EPHA6: variants seen among roughly 807,000 people sequenced by gnomAD.
EPHA6 encodes the protein ephrin type-A receptor 6.
EPHA6 carries 50 observed loss-of-function variants against 112.0 expected under a neutral mutation model. That is an observed-to-expected ratio of 0.45 (90% CI 0.36 to 0.56). The LOEUF (loss-of-function observed/expected upper bound fraction) is 0.56, where lower values mean the gene tolerates loss of function less well. Among genes scored for constraint, EPHA6 ranks in the 20% least tolerant of loss-of-function variants. EPHA6 has a pLI of 0.00. For synonymous variants in EPHA6, 529 were observed against 490.7 expected (o/e 1.08, Z -1.03); for missense variants, 1,280 against 1,417.4 (o/e 0.90, Z 1.56).
chr3:97,017,120 T>C (rs1005677817), intron 3 of EPHA6, among the ~76,000 whole-genome samples: 16 of 152,254 alleles, frequency 1.1e-4, no homozygotes, highest in Admixed American at 5.2e-4. Context: ...CTACCCAAAA[T>C]AAGCACCTTC....
intron 2 of EPHA6, among the ~76,000 whole-genome samples, chr3:96,964,937 G>A (rs996740610): frequency 2.6e-5 from 4 of 152,220 alleles, no homozygotes; most frequent in Admixed American, 6.6e-5. Flanking sequence ...AACAATTCAC[G>A]AATCGGGCAG....
In EPHA6 at chr3:96,814,603, G is replaced by C; in HGVS notation, c.-21G>C. ...TCCGGCCCAAGTGAATAGTCCTCGC[G>C]CAAGCGGGACACTGTGGTGGATGCA... On this transcript the variant is annotated 5_prime_UTR_variant, in exon 1 of 18. Coordinates refer to ENST00000389672, the MANE Select transcript of EPHA6 (RefSeq NM_001080448.3). 7.4e-7 allele frequency: 1 copy of C among 1,359,988 alleles called. No individual in the cohort carries two copies. Among genetic ancestry groups the C allele is most frequent in the East Asian group, 2.7e-5 (1 of 36,926 alleles). 84.2% of individuals were successfully genotyped at this position (1,359,988 alleles called of 1,614,324 possible). A position where few individuals can be genotyped will look rare whatever the true frequency, so the allele number is the denominator to read the frequency against.
chr3:96,980,195 T>G (rs1200384230), intron 2 of EPHA6, among the ~76,000 whole-genome samples: 2 of 152,232 alleles, frequency 1.3e-5, no homozygotes, highest in Non-Finnish European at 2.9e-5. Context: ...GTCAAACATT[T>G]AAGTCTTTAA....
intron 7 of EPHA6, among the ~76,000 whole-genome samples, chr3:97,465,658 G>A (rs1560037939): frequency 1.3e-5 from 2 of 151,960 alleles, no homozygotes; most frequent in Non-Finnish European, 2.9e-5. Flanking sequence ...AATGAGTTTT[G>A]GCATAAAGCA....
chr3:96,907,461 G>A (rs973350045), intron 2 of EPHA6, among the ~76,000 whole-genome samples: 3 of 149,114 alleles, frequency 2.0e-5, no homozygotes, highest in Admixed American at 6.8e-5. Flanking sequence ...TCTTATTGTC[G>A]TTTACTAGGA....
At chr3:96,967,043 T>C (rs779225596) in intron 2 of EPHA6, among the ~76,000 whole-genome samples, 24 of 151,830 alleles carry the variant, frequency 1.6e-4, no homozygotes, top group South Asian at 2.1e-4. Context: ...ATAAAACTTA[T>C]GAAAAATCTA....
At chr3:97,001,806 G>T (rs902611326) in intron 3 of EPHA6, among the ~76,000 whole-genome samples, 3 of 151,838 alleles carry the variant, frequency 2.0e-5, no homozygotes, top group Non-Finnish European at 4.4e-5. Context: ...AAAATAGATG[G>T]GAACATTGAG....
At chr3:97,514,640 T>G (rs898594580) in intron 10 of EPHA6, among the ~76,000 whole-genome samples, 86 of 152,164 alleles carry the variant, frequency 5.7e-4, no homozygotes, top group Non-Finnish European at 2.1e-4. Context: ...AAGCTCTAAC[T>G]TATAGTATGA....
intron 3 of EPHA6, among the ~76,000 whole-genome samples, chr3:97,224,462 G>A (rs1359523660): frequency 1.3e-5 from 2 of 152,142 alleles, no homozygotes; most frequent in African/African-American, 2.4e-5. Flanking sequence ...AGCTACCAAA[G>A]AAAATAAGTA....
chr3:97,396,577 A>C (rs1217682063), intron 5 of EPHA6, among the ~76,000 whole-genome samples: 1 of 151,546 alleles, frequency 6.6e-6, no homozygotes, highest in African/African-American at 2.4e-5. Flanking sequence ...CATTACACTA[A>C]ATTGGAATTC....
chr3:97,536,141 G>C (rs2092760853), intron 11 of EPHA6, among the ~76,000 whole-genome samples: 1 of 152,056 alleles, frequency 6.6e-6, no homozygotes, highest in African/African-American at 2.4e-5. Flanking sequence ...ATAAGTTAGA[G>C]GACAGACTTG....
At chr3:97,153,666 T>G (rs1281873934) in intron 3 of EPHA6, among the ~76,000 whole-genome samples, 1 of 152,094 alleles carries the variant, frequency 6.6e-6, no homozygotes, top group African/African-American at 2.4e-5. Context: ...GAATAATTGA[T>G]ATCTAATAAA....
At chr3:97,230,641 A>G (rs2078496525) in intron 4 of EPHA6, among the ~76,000 whole-genome samples, 1 of 152,172 alleles carries the variant, frequency 6.6e-6, no homozygotes, top group Non-Finnish European at 1.5e-5. Flanking sequence ...CAGTAACAAA[A>G]GAGATTAGAA....
intron 14 of EPHA6, among the ~76,000 whole-genome samples, chr3:97,661,094 C>A (rs2094166893): frequency 6.6e-6 from 1 of 152,108 alleles, no homozygotes; most frequent in South Asian, 2.1e-4. Flanking sequence ...TAGTTCCCTG[C>A]TCTTTTTGTA....
At chr3:97,641,676 G>A (rs2094006331) in intron 14 of EPHA6, among the ~76,000 whole-genome samples, 1 of 152,234 alleles carries the variant, frequency 6.6e-6, no homozygotes, top group African/African-American at 2.4e-5. Context: ...AGAAAGGGGT[G>A]ACGGACGCAC....
intron 3 of EPHA6, among the ~76,000 whole-genome samples, chr3:97,224,538 G>A (rs1265280609): frequency 1.3e-5 from 2 of 152,190 alleles, no homozygotes; most frequent in Admixed American, 1.3e-4. Context: ...TCTGAACAAT[G>A]TTTTTGGCTG....
intron 5 of EPHA6, among the ~76,000 whole-genome samples, chr3:97,397,746 A>G (rs2086775485): frequency 6.6e-6 from 1 of 151,656 alleles, no homozygotes; most frequent in Middle Eastern, 3.2e-3. Context: ...TTTCAACATT[A>G]GAGGAATGAT....
At chr3:97,653,179 A>G (rs1418335005) in intron 14 of EPHA6, among the ~76,000 whole-genome samples, 1 of 151,994 alleles carries the variant, frequency 6.6e-6, no homozygotes, top group Non-Finnish European at 1.5e-5. Context: ...CAAACTAAAA[A>G]GCTTCTGAAT....
chr3:97,370,874 G>C (rs982954576), intron 5 of EPHA6, among the ~76,000 whole-genome samples: 1 of 152,096 alleles, frequency 6.6e-6, no homozygotes, highest in Non-Finnish European at 1.5e-5. Flanking sequence ...AAGATTAAGA[G>C]TTTTTGCAGG....
Sources: allele counts gnomAD v4.1 joint callset (sites outside exome capture counted in the v4.1 genomes callset), GRCh38; gene constraint gnomAD v4.1.1; transcripts MANE v1.5; gene names NCBI Gene and HGNC (gene_info 2026-07-23, HGNC 2026-07-21).